Variants in AMBRA1 observed in about 807,000 individuals in gnomAD.
The protein encoded by AMBRA1 is activating molecule in BECN1-regulated autophagy protein 1.
In AMBRA1, 47 loss-of-function variants were observed where a neutral mutation model predicts 125.4. That is an observed-to-expected ratio of 0.37 (90% CI 0.30 to 0.48). The LOEUF (loss-of-function observed/expected upper bound fraction) is 0.48. Among genes scored for constraint, AMBRA1 ranks in the 20% least tolerant of loss-of-function variants. The pLI is 0.99. For synonymous variants in AMBRA1, 626 were observed against 655.5 expected (o/e 0.95, Z 0.69); for missense variants, 1,331 against 1,693.4 (o/e 0.79, Z 3.76).
At chr11:46,511,510 A>G (rs1951255202) in intron 8 of AMBRA1, among the ~76,000 whole-genome samples, 1 of 152,246 alleles carries the variant, frequency 6.6e-6, no homozygotes, top group South Asian at 2.1e-4. Flanking sequence ...AACTTGGTCT[A>G]AAGGTTTTTC....
intron 11 of AMBRA1, among the ~76,000 whole-genome samples, chr11:46,448,526 T>C (rs116242611): frequency 1.8e-4 from 28 of 152,238 alleles, no homozygotes; most frequent in Non-Finnish European, 4.0e-4. Flanking sequence ...AGATCTAAAA[T>C]CTGTAATTTA....
intron 11 of AMBRA1, among the ~76,000 whole-genome samples, chr11:46,482,736 C>T (rs895830114): frequency 3.9e-5 from 6 of 152,152 alleles, no homozygotes; most frequent in African/African-American, 4.8e-5. Flanking sequence ...ACCAGCCAGG[C>T]GTAGTGGCTC....
intron 11 of AMBRA1, among the ~76,000 whole-genome samples, chr11:46,465,141 C>T (rs1319542103): frequency 1.3e-5 from 2 of 152,210 alleles, no homozygotes; most frequent in Admixed American, 1.3e-4. Flanking sequence ...AGTGCCCACA[C>T]CTACAGCCCA....
chr11:46,520,007 C>T (rs916215950), intron 7 of AMBRA1, among the ~76,000 whole-genome samples: 2 of 151,938 alleles, frequency 1.3e-5, no homozygotes, highest in African/African-American at 4.8e-5. Context: ...GGCATGGTGG[C>T]GCATGCCTGT....
rs1391264201 is a variant in AMBRA1, at chr11:46,548,265, C to G, written c.116G>C (p.Trp39Ser). The change falls in exon 2 of 18, where the codon TGG (tryptophan) becomes TCG (serine). Residue 39 changes from tryptophan (W) to serine (S), a missense_variant. Physicochemically the swap from Trp to Ser is radical, Grantham distance 177. Around this residue, in one of 4 missense-constraint regions of AMBRA1, gnomAD observed 144 missense variants for 250.4 expected, o/e 0.58. Transcript: ENST00000683756. Reference protein sequence around the residue: ...LQELVEDKTRWMKWEGKRVEL... With the variant: ...LQELVEDKTRSMKWEGKRVEL... ...CCTTACCTTGCCCTCCCATTTCATCCACCGGGTTTTATCTTCTACCAGCTC... is the reference window on the plus strand; with the variant it reads ...CCTTACCTTGCCCTCCCATTTCATCGACCGGGTTTTATCTTCTACCAGCTC... The G allele has an allele frequency of 6.2e-7, 1 of 1,614,140 alleles. No homozygotes were observed.
At position 46,548,366 on chromosome 11, in the gene AMBRA1, T is replaced by C. The variant is rs1351265404; in HGVS notation, c.15A>G (p.Pro5=). 1.9e-6 allele frequency: 3 copies of C among 1,613,972 alleles called. No homozygotes were observed. The highest frequency in any genetic ancestry group is 3.3e-5 in the Admixed American group (2 of 60,002). MKVV[P]EKNAVRILWG... is the part of the protein sequence containing the mutation. Reference sequence around the variant, plus strand: ...AGAGTATCCGGACAGCATTCTTTTCTGGGACAACCTTCATGGCGCTCAGTA... The same window carrying C: ...AGAGTATCCGGACAGCATTCTTTTCCGGGACAACCTTCATGGCGCTCAGTA... The change falls in exon 2 of 18, where the codon CCA becomes CCG. Residue 5 remains proline, a synonymous_variant. Transcript: ENST00000683756.
Position 46,397,507 on chromosome 11 carries a change from A to T in AMBRA1, c.3840T>A (p.Asp1280Glu). ...CELTNNNHLL[D>E]GGSSRGDAAG... ...CAGCGTCCCCCCTGCTGCTGCCACC[A>T]TCCAGAAGGTGGTTGTTATTGGTCA... The change falls in exon 18 of 18, where the codon GAT becomes GAA. Residue 1280 changes from aspartate to glutamate, a missense_variant. By Grantham distance (45) the Asp-to-Glu change is conservative (BLOSUM62 2). Transcript: ENST00000683756. The T allele has an allele frequency of 6.5e-7, 1 of 1,531,064 alleles. No individual in the cohort carries two copies. The allele number at this position is 1,531,064 out of a possible 1,614,324, so 94.8% of individuals were successfully genotyped here. A position where few individuals can be genotyped will look rare whatever the true frequency, so the allele number is the denominator to read the frequency against.
chr11:46,564,774 A>G (rs531613454), intron 1 of AMBRA1, among the ~76,000 whole-genome samples: 1 of 152,212 alleles, frequency 6.6e-6, no homozygotes, highest in Non-Finnish European at 1.5e-5. Flanking sequence ...AGCGAACCTC[A>G]CTGGAGGTTA....
intron 4 of AMBRA1, 38 bp from the exon 5 acceptor site, chr11:46,545,814 A>G: frequency 6.2e-7 from 1 of 1,603,694 alleles, no homozygotes; most frequent in East Asian, 2.2e-5. Flanking sequence ...TCAGGTTACA[A>G]GCTACCAGCA....
In AMBRA1 at chr11:46,434,923, G is replaced by C. The variant is rs751686720; in HGVS notation, c.2747C>G (p.Pro916Arg). ...GTACACTGCCAGGATGCCTTCATCA[G>C]GAAAGCCCCTCTGGCTGCTGGGGAT... ...AFIPSSQRGFPDEGILAVYSL... is the reference protein window; with the variant it reads ...AFIPSSQRGFRDEGILAVYSL... The change falls in exon 13 of 18, where the codon CCT becomes CGT. Residue 916 changes from proline to arginine, a missense_variant. Pro to Arg is a moderately radical substitution (Grantham distance 103). This residue lies in a region of AMBRA1 where 354 missense variants were observed against 532.7 expected (regional missense o/e 0.66). Coordinates refer to ENST00000683756, the MANE Select transcript of AMBRA1 (RefSeq NM_001387011.1). The C allele has an allele frequency of 6.2e-7, 1 of 1,614,182 alleles. No individual in the cohort carries two copies. Among genetic ancestry groups the C allele is most frequent in the Non-Finnish European group, 8.5e-7 (1 of 1,180,020 alleles).
chr11:46,398,038 G>A, intron 17 of AMBRA1, 95 bp from the exon 18 acceptor site: 1 of 1,458,162 alleles, frequency 6.9e-7, no homozygotes, highest in Non-Finnish European at 9.1e-7. Flanking sequence ...GGGGATTCTT[G>A]ACTAAACGCA....
At chr11:46,412,000 G>C (rs1946317602) in intron 15 of AMBRA1, among the ~76,000 whole-genome samples, 4 of 152,168 alleles carry the variant, frequency 2.6e-5, no homozygotes, top group Admixed American at 2.6e-4. Flanking sequence ...TGAAGGGAAA[G>C]AGCCACAGCC....
Position 46,446,626 on chromosome 11 carries a change from A to G in AMBRA1, c.2522-3028T>C, listed in dbSNP as rs745565926. 4.5e-4 allele frequency among the ~76,000 whole-genome samples: 69 copies of G among 152,312 alleles called. 1 individual carries two copies. Among genetic ancestry groups the G allele is most frequent in the Non-Finnish European group, 1.0e-4 (7 of 68,030 alleles). ...GAGTCTTGTGCATCGCAGAACATTTAGCATCCCTGGCCTCTACCCACTAGA... is the reference window on the plus strand; with the variant it reads ...GAGTCTTGTGCATCGCAGAACATTTGGCATCCCTGGCCTCTACCCACTAGA... On this transcript the variant is annotated intron_variant, in intron 11 of 17. Transcript: ENST00000683756.
intron 15 of AMBRA1, among the ~76,000 whole-genome samples, chr11:46,417,009 C>G (rs1358132119): frequency 6.6e-6 from 1 of 152,104 alleles, no homozygotes; most frequent in Non-Finnish European, 1.5e-5. Flanking sequence ...CTCCTACTCC[C>G]TACTTCAAGA....
chr11:46,480,991 C>T (rs546716348), intron 11 of AMBRA1, among the ~76,000 whole-genome samples: 6 of 152,334 alleles, frequency 3.9e-5, no homozygotes, highest in Non-Finnish European at 4.4e-5. Context: ...ACTTAAAGGT[C>T]TGGAAAACTT....
chr11:46,465,571 A>G (rs1329556454), intron 11 of AMBRA1, among the ~76,000 whole-genome samples: 1 of 152,210 alleles, frequency 6.6e-6, no homozygotes, highest in East Asian at 1.9e-4. Flanking sequence ...AGGCTAAGAT[A>G]TATCACAGAG....
Position 46,397,930 on chromosome 11 carries a change from C to T in AMBRA1, c.3417G>A (p.Glu1139=), listed in dbSNP as rs1328693246. 4 of 1,591,202 alleles carry T rather than the reference C, an allele frequency of 2.5e-6. No homozygotes were observed. The highest frequency in any genetic ancestry group is 1.7e-5 in the Admixed American group (1 of 59,818). ...ASGPGEGEGS[E]YGASGEDALS... ...GCGCATCTTCTCCACTGGCACCATA[C>T]TCTGAACCCTCACCTGGCAGATACA... Residue 1139 remains glutamate, a synonymous_variant, in exon 18 of 18, where the codon GAG becomes GAA. Coordinates refer to ENST00000683756, the MANE Select transcript of AMBRA1 (RefSeq NM_001387011.1).
intron 11 of AMBRA1, among the ~76,000 whole-genome samples, chr11:46,455,199 T>C (rs1008994580): frequency 2.6e-5 from 4 of 152,188 alleles, no homozygotes; most frequent in African/African-American, 9.6e-5. Context: ...GGTTTTCTTT[T>C]TCTTTTTTTT....
chr11:46,567,558 G>A lies in AMBRA1; in HGVS notation c.-120-19058C>T, dbSNP rs143096574. On this transcript the variant is annotated intron_variant, in intron 1 of 17. Transcript: ENST00000683756. ...ATATTTTTAGTAGAGATGGGGTTTC[G>A]CCATGTTGGCCAAGCCGGTCTCGAA... Among the ~76,000 whole-genome samples, 285 of 147,618 alleles carry A rather than the reference G, an allele frequency of 1.9e-3. 1 individual carries two copies. The highest frequency in any genetic ancestry group is 6.9e-3 in the African/African-American group (274 of 39,972).
Sources: allele counts gnomAD v4.1 joint callset (sites outside exome capture counted in the v4.1 genomes callset), GRCh38; gene constraint gnomAD v4.1.1; regional missense constraint gnomAD v4.1.1; transcripts MANE v1.5; gene names NCBI Gene and HGNC (gene_info 2026-07-23, HGNC 2026-07-21).